RORB: variants seen among roughly 807,000 people sequenced by gnomAD.
RORB encodes the protein nuclear receptor ROR-beta.
RORB carries 6 observed loss-of-function variants against 59.1 expected under a neutral mutation model. That is an observed-to-expected ratio of 0.10 (90% CI 0.06 to 0.20). The LOEUF (loss-of-function observed/expected upper bound fraction) is 0.20, where lower values mean the gene tolerates loss of function less well. Ranked by LOEUF, RORB falls within the 10% of genes least tolerant of loss-of-function variation. RORB has a pLI of 1.00. For synonymous variants in RORB, 215 were observed against 204.5 expected, an observed-to-expected ratio of 1.05 and a Z score of -0.44; for missense variants, 320 against 560.5, an observed-to-expected ratio of 0.57 and a Z score of 4.33.
At chr9:74,517,870 A>T (rs1826030056) in intron 1 of RORB, among the ~76,000 whole-genome samples, 1 of 152,052 alleles carries the variant, frequency 6.6e-6, no homozygotes, top group South Asian at 2.1e-4. Flanking sequence ...TGTGAAAGGC[A>T]CTGTGCTAAA....
chr9:74,611,361 TGAA>T (rs1217805509), intron 1 of RORB, among the ~76,000 whole-genome samples: 2 of 152,088 alleles, frequency 1.3e-5, no homozygotes, highest in East Asian at 3.9e-4. Flanking sequence ...AAACAGGAAA[TGAA>T]GAGAAGATTT....
chr9:74,675,361 C>T (rs930095051), intron 9 of RORB, among the ~76,000 whole-genome samples: 3 of 150,998 alleles, frequency 2.0e-5, no homozygotes, highest in Non-Finnish European at 4.4e-5. Context: ...TATTTTTAAG[C>T]CCCATATGAC....
At chr9:74,682,664 C>A (rs1339336706) in intron 9 of RORB, among the ~76,000 whole-genome samples, 2 of 152,182 alleles carry the variant, frequency 1.3e-5, no homozygotes, top group African/African-American at 4.8e-5. Context: ...CCTTTCCTCT[C>A]TAGATGTGAG....
chr9:74,517,818 A>G (rs1433995206), intron 1 of RORB, among the ~76,000 whole-genome samples: 2 of 152,068 alleles, frequency 1.3e-5, no homozygotes, highest in African/African-American at 4.8e-5. Context: ...GCATTAGTCT[A>G]AATCTTCTTC....
intron 1 of RORB, among the ~76,000 whole-genome samples, chr9:74,553,019 G>A (rs1826636316): frequency 6.6e-6 from 1 of 152,064 alleles, no homozygotes; most frequent in African/African-American, 2.4e-5. Flanking sequence ...AGGTCACTGT[G>A]GAGTTTAGGA....
intron 1 of RORB, among the ~76,000 whole-genome samples, chr9:74,593,344 T>C (rs1007770016): frequency 2.6e-5 from 4 of 151,636 alleles, no homozygotes; most frequent in Non-Finnish European, 5.9e-5. Flanking sequence ...TGTACGCCTA[T>C]AATCCCAGCT....
At chr9:74,537,128 G>A (rs1033628562) in intron 1 of RORB, among the ~76,000 whole-genome samples, 2 of 152,020 alleles carry the variant, frequency 1.3e-5, no homozygotes, top group Non-Finnish European at 2.9e-5. Flanking sequence ...AAAACAGAGT[G>A]CAGCTCTTTA....
At chr9:74,680,551 C>T (rs1220827021) in intron 9 of RORB, among the ~76,000 whole-genome samples, 1 of 152,116 alleles carries the variant, frequency 6.6e-6, no homozygotes, top group African/African-American at 2.4e-5. Flanking sequence ...CACTGCCACA[C>T]GGATGCTAAG....
At chr9:74,586,192 T>A (rs1402232772) in intron 1 of RORB, among the ~76,000 whole-genome samples, 1 of 152,182 alleles carries the variant, frequency 6.6e-6, no homozygotes, top group Non-Finnish European at 1.5e-5. Flanking sequence ...AGTTAACAGA[T>A]ATATTGTAGA....
intron 1 of RORB, among the ~76,000 whole-genome samples, chr9:74,530,869 C>T (rs772508614): frequency 5.3e-5 from 8 of 151,700 alleles, no homozygotes; most frequent in Non-Finnish European, 1.2e-4. Context: ...GCTATCCTTC[C>T]CCCTACCCCC....
intron 7 of RORB, among the ~76,000 whole-genome samples, chr9:74,666,505 A>G (rs1246923986): frequency 1.3e-5 from 2 of 151,946 alleles, no homozygotes; most frequent in African/African-American, 4.8e-5. Flanking sequence ...GGCTGATGCT[A>G]AAAGAGTAAA....
At chr9:74,638,804 G>A (rs528443236) in intron 3 of RORB, among the ~76,000 whole-genome samples, 1 of 152,234 alleles carries the variant, frequency 6.6e-6, no homozygotes, top group East Asian at 1.9e-4. Flanking sequence ...TGAAACACTG[G>A]CTCATCAATG....
intron 4 of RORB, among the ~76,000 whole-genome samples, chr9:74,650,105 C>G (rs1357666545): frequency 6.6e-6 from 1 of 152,106 alleles, no homozygotes; most frequent in East Asian, 1.9e-4. Context: ...CTACAGTAAG[C>G]AAAAGGAAAG....
intron 1 of RORB, among the ~76,000 whole-genome samples, chr9:74,535,495 G>A (rs373398526): frequency 6.6e-6 from 1 of 151,918 alleles, no homozygotes; most frequent in South Asian, 2.1e-4. Flanking sequence ...CTAGTAAAAC[G>A]CAATCACGGG....
intron 1 of RORB, among the ~76,000 whole-genome samples, chr9:74,510,815 G>GA (rs1169302566): frequency 6.6e-6 from 1 of 151,984 alleles, no homozygotes; most frequent in South Asian, 2.1e-4. Context: ...ATAAACATTT[G>GA]AAAAAAAGAG....
At chr9:74,606,570 G>T (rs1361050017) in intron 1 of RORB, among the ~76,000 whole-genome samples, 1 of 152,170 alleles carries the variant, frequency 6.6e-6, no homozygotes, top group Non-Finnish European at 1.5e-5. Context: ...AACTTGGGCT[G>T]CACACAGAGA....
chr9:74,679,297 A>G (rs544982436), intron 9 of RORB, among the ~76,000 whole-genome samples: 1 of 152,328 alleles, frequency 6.6e-6, no homozygotes, highest in East Asian at 1.9e-4. Flanking sequence ...TTTTAAAAGT[A>G]TAACATACAT....
chr9:74,521,058 T>G (rs1331832864), intron 1 of RORB, among the ~76,000 whole-genome samples: 1 of 151,906 alleles, frequency 6.6e-6, no homozygotes, highest in African/African-American at 2.4e-5. Context: ...AAACATAGCA[T>G]CTTCCTGGTC....
chr9:74,614,044 GCA>G (rs1823273019), intron 1 of RORB, among the ~76,000 whole-genome samples: 1 of 152,170 alleles, frequency 6.6e-6, no homozygotes, highest in African/African-American at 2.4e-5. Flanking sequence ...ACACATGGGT[GCA>G]TGTGTCTTTG....
Sources: gnomAD v4.1 joint callset for allele counts (sites outside exome capture counted in the v4.1 genomes callset) on GRCh38, gnomAD v4.1.1 for gene constraint, MANE v1.5 for transcripts, NCBI Gene and HGNC (gene_info 2026-07-23, HGNC 2026-07-21) for gene names.